Variants in ACTR3C observed in about 807,000 individuals in gnomAD.
ACTR3C encodes the protein actin-related protein 3C.
In ACTR3C, 18 loss-of-function variants were observed where a neutral mutation model predicts 26.3. The observed-to-expected ratio is 0.68, with a 90% CI of 0.47 to 1.01. The LOEUF is 1.01. Among genes scored for constraint, ACTR3C ranks in the 50% least tolerant of loss-of-function variants. ACTR3C has a pLI of 0.00. For missense variants in ACTR3C, 184 were observed against 250.7 expected (o/e 0.73, Z 1.80); for synonymous variants, 55 against 94.5 (o/e 0.58, Z 2.42).
chr7:149,939,532 C>T, the ACTR3C span, among the ~76,000 whole-genome samples: 83 of 152,152 alleles, frequency 5.5e-4, no homozygotes, highest in African/African-American at 1.8e-3. Flanking sequence ...AATGACTTCC[C>T]GTTCTCAGGG....
the ACTR3C span, among the ~76,000 whole-genome samples, chr7:150,230,748 C>T: frequency 6.6e-6 from 1 of 152,240 alleles, no homozygotes; most frequent in Non-Finnish European, 1.5e-5. Flanking sequence ...CCACTGATCT[C>T]AGCCATCAAA....
intron 1 of ACTR3C, chr7:150,302,738 A>G (rs548095840): frequency 2.6e-5 from 4 of 152,188 alleles, no homozygotes; most frequent in African/African-American, 9.6e-5. Flanking sequence ...AATGATCTCT[A>G]TGTGAAGTGT....
chr7:150,253,798 C>T (rs904306077), intron 6 of ACTR3C, among the ~76,000 whole-genome samples: 11 of 151,960 alleles, frequency 7.2e-5, no homozygotes, highest in Non-Finnish European at 1.6e-4. Flanking sequence ...GCCATGCGAT[C>T]CCCTCTAACT....
At chr7:150,025,259 A>G in the ACTR3C span, among the ~76,000 whole-genome samples, 125 of 151,816 alleles carry the variant, frequency 8.2e-4, 2 homozygotes, top group Non-Finnish European at 1.4e-3. Flanking sequence ...CAATGCCAGG[A>G]AACTCTAATC....
chr7:150,176,646 C>T, the ACTR3C span, among the ~76,000 whole-genome samples: 7 of 150,950 alleles, frequency 4.6e-5, no homozygotes, highest in Non-Finnish European at 1.0e-4. Flanking sequence ...TCAACAGAAA[C>T]ATTTTACAAC....
At chr7:150,006,432 T>C in the ACTR3C span, among the ~76,000 whole-genome samples, 35 of 147,790 alleles carry the variant, frequency 2.4e-4, no homozygotes, top group East Asian at 1.6e-3. Flanking sequence ...CTCCTGACTT[T>C]GTGATCCGCC....
chr7:150,174,403 G>A, the ACTR3C span, among the ~76,000 whole-genome samples: 1 of 138,774 alleles, frequency 7.2e-6, no homozygotes, highest in African/African-American at 3.3e-5. Flanking sequence ...GGGAAAGACT[G>A]GCCCCCATGA....
chr7:149,925,335 GCTTTCT>G, the ACTR3C span, among the ~76,000 whole-genome samples: 1 of 152,064 alleles, frequency 6.6e-6, no homozygotes, highest in African/African-American at 2.4e-5. Context: ...ATGCCATCAG[GCTTTCT>G]CTCCCGGAAC....
At chr7:150,260,016 A>G (rs1833527919) in intron 6 of ACTR3C, among the ~76,000 whole-genome samples, 1 of 152,246 alleles carries the variant, frequency 6.6e-6, no homozygotes. Flanking sequence ...AGAAGTTGGC[A>G]AACTACAGGC....
At chr7:150,228,154 A>T in the ACTR3C span, among the ~76,000 whole-genome samples, 1 of 152,042 alleles carries the variant, frequency 6.6e-6, no homozygotes, top group African/African-American at 2.4e-5. Context: ...ATCATTCTCG[A>T]TATTGAGCTT....
At chr7:150,097,647 T>C in the ACTR3C span, among the ~76,000 whole-genome samples, 1 of 151,538 alleles carries the variant, frequency 6.6e-6, no homozygotes, top group Non-Finnish European at 1.5e-5. Flanking sequence ...TTTTGCCCTC[T>C]TTCCTTTTTT....
At chr7:150,278,016 C>T (rs764423974) in intron 6 of ACTR3C, among the ~76,000 whole-genome samples, 3 of 152,172 alleles carry the variant, frequency 2.0e-5, no homozygotes, top group Non-Finnish European at 1.5e-5. Flanking sequence ...GCAATGTTGG[C>T]CCCTGTGCCT....
At chr7:150,001,834 G>A in the ACTR3C span, 1 of 151,484 alleles carries the variant, frequency 6.6e-6, no homozygotes, top group Non-Finnish European at 1.5e-5. Flanking sequence ...GAAAGGAGAT[G>A]GCCAGGAAGT....
chr7:150,295,498 A>T (rs1437618324), intron 1 of ACTR3C, among the ~76,000 whole-genome samples, 151 bp from the exon 2 acceptor site: 1 of 152,306 alleles, frequency 6.6e-6, no homozygotes, highest in African/African-American at 2.4e-5. Context: ...TGTATTAAAG[A>T]AATCTGGCCG....
the ACTR3C span, among the ~76,000 whole-genome samples, chr7:150,125,791 T>C: frequency 1.3e-5 from 2 of 152,202 alleles, no homozygotes; most frequent in Admixed American, 6.5e-5. Flanking sequence ...ATTAATTGAA[T>C]TGGATTCCCT....
the ACTR3C span, among the ~76,000 whole-genome samples, chr7:150,226,476 G>A: frequency 5.9e-5 from 9 of 152,054 alleles, no homozygotes; most frequent in Admixed American, 2.0e-4. Context: ...TGCTCTTGTC[G>A]CCTAGACTGG....
chr7:150,158,071 T>G, the ACTR3C span, among the ~76,000 whole-genome samples: 10 of 151,982 alleles, frequency 6.6e-5, no homozygotes, highest in Non-Finnish European at 7.4e-5. Flanking sequence ...CATACGGAGA[T>G]GCAACAGGTG....
At chr7:150,048,184 G>T in the ACTR3C span, among the ~76,000 whole-genome samples, 1 of 151,938 alleles carries the variant, frequency 6.6e-6, no homozygotes, top group African/African-American at 2.4e-5. Flanking sequence ...GAGATTGAAG[G>T]AAGAAAAAAA....
At chr7:150,032,077 G>A in the ACTR3C span, among the ~76,000 whole-genome samples, 8 of 152,308 alleles carry the variant, frequency 5.3e-5, no homozygotes, top group Admixed American at 5.2e-4. Context: ...TGTTGGAGCT[G>A]GTTTAAGTGG....
Sources: gnomAD v4.1 joint callset for allele counts (sites outside exome capture counted in the v4.1 genomes callset) on GRCh38, gnomAD v4.1.1 for gene constraint, MANE v1.5 for transcripts, NCBI Gene and HGNC (gene_info 2026-07-23, HGNC 2026-07-21) for gene names.